Variants in LRRC41 observed in about 807,000 individuals in gnomAD.
The protein encoded by LRRC41 is leucine-rich repeat-containing protein 41.
Under a neutral mutation model 72.1 loss-of-function variants are expected in LRRC41, and 17 were observed. The ratio of observed to expected loss-of-function variants is 0.24; its 90% CI spans 0.16 to 0.35. LRRC41 has a LOEUF of 0.35. Among genes scored for constraint, LRRC41 ranks in the 10% least tolerant of loss-of-function variants. LRRC41 has a pLI of 1.00. For synonymous variants in LRRC41, 427 were observed against 431.0 expected, an observed-to-expected ratio of 0.99 and a Z score of 0.11; for missense variants, 759 against 1,065.0, an observed-to-expected ratio of 0.71 and a Z score of 4.00.
chr1:46,278,375 G>A lies in LRRC41; in HGVS notation c.*490C>T. ...GGCCCTGTTGAATTTTGTTCTCTGG[G>A]AGAAAATCATCAAGAAGGGCTGCAT... On this transcript the variant is annotated 3_prime_UTR_variant, in exon 10 of 10. Coordinates refer to ENST00000617190, the MANE Select transcript of LRRC41 (RefSeq NM_006369.5). 7.3e-7 allele frequency: 1 copy of A among 1,378,376 alleles called. No individual in the cohort carries two copies. 85.4% of individuals were successfully genotyped at this position (1,378,376 alleles called of 1,614,324 possible). A position where few individuals can be genotyped will look rare whatever the true frequency, so the allele number is the denominator to read the frequency against.
At chr1:46,280,918 G>A (rs1258441374) in intron 5 of LRRC41, among the ~76,000 whole-genome samples, 1 of 152,162 alleles carries the variant, frequency 6.6e-6, no homozygotes. Flanking sequence ...AGCTGCCTTG[G>A]TCACTCTCTG....
rs1660897004 is a variant in LRRC41 at position 46,286,975 on chromosome 1, C to G, written c.358-476G>C. Among the ~76,000 whole-genome samples, 1 of 152,146 alleles carries G rather than the reference C, an allele frequency of 6.6e-6. No homozygotes were observed. Among genetic ancestry groups the G allele is most frequent in the Non-Finnish European group, 1.5e-5 (1 of 68,022 alleles). On this transcript the variant is annotated intron_variant, in intron 3 of 9. Coordinates refer to ENST00000617190, the MANE Select transcript of LRRC41 (RefSeq NM_006369.5). The surrounding 1 kb of genome is among the most constrained non-coding windows in gnomAD (Gnocchi z 5.5). ...CTGGGATTACAGGCGCCCGCCACCA[C>G]ACCTGGCTAATTTTTGTATGTTTCA...
At chr1:46,290,937 T>TTG in intron 3 of LRRC41, among the ~76,000 whole-genome samples, 1 of 146,702 alleles carries the variant, frequency 6.8e-6, no homozygotes, top group Non-Finnish European at 1.5e-5. Flanking sequence ...TTTTTTTTTT[T>TTG]TTTTTTTAAG....
Position 46,303,389 on chromosome 1 carries a change from G to T in LRRC41, c.-67C>A. 7.2e-7 allele frequency: 1 copy of T among 1,380,782 alleles called. No homozygotes were observed. Among genetic ancestry groups the T allele is most frequent in the Non-Finnish European group, 9.6e-7 (1 of 1,044,930 alleles). 85.5% of individuals were successfully genotyped at this position (1,380,782 alleles called of 1,614,324 possible). A position where few individuals can be genotyped will look rare whatever the true frequency, so the allele number is the denominator to read the frequency against. On this transcript the variant is annotated 5_prime_UTR_variant, in exon 1 of 10. Coordinates refer to ENST00000617190, the MANE Select transcript of LRRC41 (RefSeq NM_006369.5). ...GCCATCTTGAAAAGGTCAGCAGTTA[G>T]GACGGCTCCATAAGCGATATGGGGA...
chr1:46,286,271 G>A lies in LRRC41; in HGVS notation c.586C>T (p.His196Tyr). Reference sequence around the variant, plus strand: ...AGCAGGTGGCGGAACTTGAGAGTGTGCAGGGAGCTGGCCAGGGTCTCCAGA... The same window carrying A: ...AGCAGGTGGCGGAACTTGAGAGTGTACAGGGAGCTGGCCAGGGTCTCCAGA... ...RVLETLASSL[H>Y]TLKFRHLLFS... is the part of the protein sequence containing the mutation. Residue 196 changes from histidine to tyrosine, a missense_variant, in exon 4 of 10, where the codon CAC becomes TAC. His to Tyr is a moderately conservative substitution (Grantham distance 83). Transcript: ENST00000617190. This position sits in a 1 kb window ranked among gnomAD's most constrained non-coding sequence, Gnocchi z 5.5. The A allele has an allele frequency of 6.2e-7, 1 of 1,614,274 alleles. No homozygotes were observed. Among genetic ancestry groups the A allele is most frequent in the Non-Finnish European group, 8.5e-7 (1 of 1,180,046 alleles).
chr1:46,290,458 A>G (rs888449328), intron 3 of LRRC41, among the ~76,000 whole-genome samples: 1 of 152,178 alleles, frequency 6.6e-6, no homozygotes, highest in Non-Finnish European at 1.5e-5. Flanking sequence ...GTACCTATAT[A>G]TATTTGTTTT....
Position 46,285,920 on chromosome 1 carries a change from T to C in LRRC41, c.937A>G (p.Met313Val). ...ASRRKSEAKQ[M>V]PRAAPATRVT... Reference sequence around the variant, plus strand: ...CGAGTGGCAGGTGCAGCTCTGGGCATCTGCTTGGCTTCACTCTTACGCCGG... The same window carrying C: ...CGAGTGGCAGGTGCAGCTCTGGGCACCTGCTTGGCTTCACTCTTACGCCGG... Residue 313 changes from methionine (M) to valine (V), a missense_variant, in exon 4 of 10, where the codon ATG becomes GTG. Met to Val is a conservative substitution (Grantham distance 21). Transcript: ENST00000617190. The surrounding 1 kb of genome is among the most constrained non-coding windows in gnomAD (Gnocchi z 5.3). 1.3e-6 allele frequency: 2 copies of C among 1,538,320 alleles called. No homozygotes were observed. Among genetic ancestry groups the C allele is most frequent in the African/African-American group, 1.4e-5 (1 of 72,478 alleles).
chr1:46,278,404 G>A lies in LRRC41; in HGVS notation c.*461C>T. On this transcript the variant is annotated 3_prime_UTR_variant, in exon 10 of 10. Coordinates refer to ENST00000617190, the MANE Select transcript of LRRC41 (RefSeq NM_006369.5). ...AAATCATCAAGAAGGGCTGCATGAT[G>A]TTTGCCCAAAATTTATTTTATAAGA... The A allele has an allele frequency of 2.6e-6, 3 of 1,145,912 alleles. No homozygotes were observed. The highest frequency in any genetic ancestry group is 3.8e-6 in the Non-Finnish European group (3 of 795,142). 71.0% of individuals were successfully genotyped at this position (1,145,912 alleles called of 1,614,324 possible).
Position 46,302,128 on chromosome 1 carries a change from C to A in LRRC41, c.199+996G>T. 2 of 985,376 alleles carry A rather than the reference C, an allele frequency of 2.0e-6. No homozygotes were observed. The highest frequency in any genetic ancestry group is 2.4e-6 in the Non-Finnish European group (2 of 829,900). 61.0% of individuals were successfully genotyped at this position (985,376 alleles called of 1,614,324 possible). A position where few individuals can be genotyped will look rare whatever the true frequency, so the allele number is the denominator to read the frequency against. On this transcript the variant is annotated intron_variant, in intron 1 of 9. Transcript: ENST00000617190. The surrounding 1 kb of genome is among the most constrained non-coding windows in gnomAD (Gnocchi z 4.7). The stretch of plus-strand genomic sequence containing the variant: ...GGCCGTTCATCCCGGCGCCCCAGGC[C>A]GCCCTCCATCCAGGCCCGGCCCTTT...
rs1429091490 is a variant in LRRC41, at chr1:46,278,102, TCAGA to T, written c.*759_*762del. On this transcript the variant is annotated 3_prime_UTR_variant, in exon 10 of 10. Coordinates refer to ENST00000617190, the MANE Select transcript of LRRC41 (RefSeq NM_006369.5). ...ACTGCCGACGTTGTGTCAACAGCCG[TCAGA>T]TCCGGCCACCCCCTGATGGTTCTGA... The T allele has an allele frequency of 6.2e-7, 1 of 1,613,892 alleles. No homozygotes were observed. The highest frequency in any genetic ancestry group is 2.2e-5 in the East Asian group (1 of 44,892).
chr1:46,295,837 T>C (rs1661112771), intron 3 of LRRC41, among the ~76,000 whole-genome samples: 1 of 152,208 alleles, frequency 6.6e-6, no homozygotes, highest in Non-Finnish European at 1.5e-5. Flanking sequence ...GTTGTCCTCA[T>C]TCTGAACGCC....
chr1:46,300,443 T>C (rs1019254558), intron 1 of LRRC41: 3 of 152,220 alleles, frequency 2.0e-5, no homozygotes, highest in African/African-American at 4.8e-5. Context: ...GAATCTAGTA[T>C]AATTATTTGT....
Position 46,277,831 on chromosome 1 carries a change from G to A in LRRC41, c.*1034C>T, listed in dbSNP as rs763401774. On this transcript the variant is annotated 3_prime_UTR_variant, in exon 10 of 10. Coordinates refer to ENST00000617190, the MANE Select transcript of LRRC41 (RefSeq NM_006369.5). ...CTCTTCCCCAGGCAGGGACCATTGA[G>A]GAGAAGATCTTCCAGCGTCAGAGCC... 1.2e-6 allele frequency: 2 copies of A among 1,610,052 alleles called. No homozygotes were observed. Among genetic ancestry groups the A allele is most frequent in the South Asian group, 1.1e-5 (1 of 90,982 alleles).
Position 46,281,202 on chromosome 1 carries a change from G to A in LRRC41, c.1679C>T (p.Pro560Leu), listed in dbSNP as rs140475848. ...LRVLSIRVDH[P>L]SQRDNPGVPG... Reference sequence around the variant, plus strand: ...CACACCAGGGTTGTCCCGCTGGCTTGGGTGGTCAACACGAATAGAGAGGAC... The same window carrying A: ...CACACCAGGGTTGTCCCGCTGGCTTAGGTGGTCAACACGAATAGAGAGGAC... The change falls in exon 5 of 10, where the codon CCA becomes CTA. Residue 560 changes from proline to leucine, a missense_variant. This residue lies in a region of LRRC41 where 427 missense variants were observed against 520.9 expected (regional missense o/e 0.82). Transcript: ENST00000617190. The A allele has an allele frequency of 3.1e-6, 5 of 1,614,194 alleles. No individual in the cohort carries two copies. Among genetic ancestry groups the A allele is most frequent in the Non-Finnish European group, 3.4e-6 (4 of 1,180,028 alleles).
chr1:46,277,789 T>C lies in LRRC41; in HGVS notation c.*1076A>G, dbSNP rs370688257. 44 of 1,583,122 alleles carry C rather than the reference T, an allele frequency of 2.8e-5. No homozygotes were observed. The African/African-American group carries it at 5.8e-4, about 21-fold the overall frequency. ...TGAGGATGGCTAAGCGCTGTATCTTTTGACATTCCCCACCTCCTCTTCCCC... is the reference window on the plus strand; with the variant it reads ...TGAGGATGGCTAAGCGCTGTATCTTCTGACATTCCCCACCTCCTCTTCCCC... On this transcript the variant is annotated 3_prime_UTR_variant, in exon 10 of 10. Transcript: ENST00000617190.
chr1:46,286,303 C>T lies in LRRC41; in HGVS notation c.554G>A (p.Arg185His), dbSNP rs770731683. Residue 185 changes from arginine to histidine, a missense_variant, in exon 4 of 10, where the codon CGC (arginine) becomes CAC (histidine). By Grantham distance (29) the Arg-to-His change is conservative (BLOSUM62 0). Coordinates refer to ENST00000617190, the MANE Select transcript of LRRC41 (RefSeq NM_006369.5). The surrounding 1 kb of genome is among the most constrained non-coding windows in gnomAD (Gnocchi z 5.5). ...GCTGGCCAGGGTCTCCAGAACCCTG[C>T]GGTTGGGCTCAGCCACCAGCTCGGT... ...GATELVAEPN[R>H]RVLETLASSL... is the part of the protein sequence containing the mutation. 5 of 1,614,076 alleles carry T rather than the reference C, an allele frequency of 3.1e-6. No homozygotes were observed. The highest frequency in any genetic ancestry group is 1.3e-5 in the African/African-American group (1 of 74,916).
chr1:46,277,634 C>T lies in LRRC41; in HGVS notation c.*1231G>A, dbSNP rs891791955. ...GTGGGCAGACTATTCATGTCATGTT[C>T]TCAGGAGACAGACTGGGAAAATGGA... is the stretch of plus-strand genomic sequence containing the variant. On this transcript the variant is annotated 3_prime_UTR_variant, in exon 10 of 10. Transcript: ENST00000617190. 4.4e-5 allele frequency: 31 copies of T among 703,076 alleles called. No homozygotes were observed. The highest frequency in any genetic ancestry group is 3.3e-4 in the Admixed American group (14 of 41,822). 43.6% of individuals were successfully genotyped at this position (703,076 alleles called of 1,614,324 possible). A position where few individuals can be genotyped will look rare whatever the true frequency, so the allele number is the denominator to read the frequency against.
chr1:46,297,489 G>C, intron 3 of LRRC41, 74 bp downstream of exon 3: 1 of 1,199,010 alleles, frequency 8.3e-7, no homozygotes, highest in Non-Finnish European at 1.2e-6. Context: ...TCAGTACCCA[G>C]CTTGTGTTTG....
Position 46,303,331 on chromosome 1 carries a change from G to C in LRRC41, c.-9C>G. 6.6e-7 allele frequency: 1 copy of C among 1,509,116 alleles called. No individual in the cohort carries two copies. The highest frequency in any genetic ancestry group is 8.8e-7 in the Non-Finnish European group (1 of 1,132,506). The allele number at this position is 1,509,116 out of a possible 1,614,324, so 93.5% of individuals were successfully genotyped here. On this transcript the variant is annotated 5_prime_UTR_variant, in exon 1 of 10. Coordinates refer to ENST00000617190, the MANE Select transcript of LRRC41 (RefSeq NM_006369.5). ...GCCTCGGGCGCCGCCATCTTGGGGA[G>C]GTGCGCGAGCCCGAGAGTGTCGCCC...
Sources: allele counts gnomAD v4.1 joint callset (sites outside exome capture counted in the v4.1 genomes callset), GRCh38; gene constraint gnomAD v4.1.1; regional missense constraint gnomAD v4.1.1; non-coding constraint Gnocchi (gnomAD v3.1); transcripts MANE v1.5; gene names NCBI Gene and HGNC (gene_info 2026-07-23, HGNC 2026-07-21).